The following NAP1L4 variants were observed in gnomAD, a reference collection of about 807,000 sequenced individuals.
NAP1L4 encodes nucleosome assembly protein 1 like 4.
NAP1L4 carries 15 observed loss-of-function variants against 58.2 expected under a neutral mutation model. The ratio of observed to expected loss-of-function variants is 0.26; its 90% CI spans 0.17 to 0.40. The LOEUF (loss-of-function observed/expected upper bound fraction) is 0.40. Among genes scored for constraint, NAP1L4 ranks in the 10% least tolerant of loss-of-function variants. The probability of loss-of-function intolerance (pLI) is 1.00; values close to 1 mark genes in which losing one functional copy is unlikely to be tolerated. For synonymous variants in NAP1L4, 171 were observed against 155.6 expected (o/e 1.10, Z -0.74); for missense variants, 384 against 451.1 (o/e 0.85, Z 1.35).
At chr11:2,960,179 G>A (rs995021145) in intron 8 of NAP1L4, 10 of 341,466 alleles carry the variant, frequency 2.9e-5, no homozygotes, top group Non-Finnish European at 4.9e-5. Flanking sequence ...GCTCTCCTAA[G>A]AAATCCTAGC....
chr11:2,958,816 A>T (rs1382846869), intron 9 of NAP1L4: 1 of 434,392 alleles, frequency 2.3e-6, no homozygotes, highest in African/African-American at 2.0e-5. Context: ...GGACTCTGAA[A>T]TGTATATTCT....
chr11:2,945,714 A>G (rs912905953), intron 15 of NAP1L4, 68 bp from the exon 16 acceptor site: 2 of 1,319,778 alleles, frequency 1.5e-6, no homozygotes, highest in Admixed American at 2.2e-5. Flanking sequence ...GCTCCAATCA[A>G]CAATGAAAGC....
chr11:2,985,040 C>G (rs1237052681), intron 1 of NAP1L4, among the ~76,000 whole-genome samples: 2 of 151,862 alleles, frequency 1.3e-5, no homozygotes, highest in African/African-American at 2.4e-5. Context: ...ACGTTTCCCA[C>G]ACATCTTATT....
rs1845946923 is a variant in NAP1L4 at position 2,946,494 on chromosome 11, T to G, written c.*33-848A>C. The stretch of plus-strand genomic sequence containing the variant: ...TTCTGCGCTAGTAACTTTACGAACC[T>G]GTAACCTATGATTTCTGGCTAAGAT... On this transcript the variant is annotated intron_variant, in intron 15 of 15. Transcript: ENST00000380542. This position sits in a 1 kb window ranked among gnomAD's most constrained non-coding sequence, Gnocchi z 4.8. Among the ~76,000 whole-genome samples the G allele has an allele frequency of 6.6e-6, 1 of 152,206 alleles. No homozygotes were observed. Among genetic ancestry groups the G allele is most frequent in the Non-Finnish European group, 1.5e-5 (1 of 68,034 alleles).
At chr11:2,965,562 T>G (rs868325453) in intron 7 of NAP1L4, among the ~76,000 whole-genome samples, 1 of 152,300 alleles carries the variant, frequency 6.6e-6, no homozygotes, top group South Asian at 2.1e-4. Context: ...TTCTTTATTT[T>G]TTTTGAGACG....
chr11:2,963,990 C>T, intron 8 of NAP1L4: 1 of 472,200 alleles, frequency 2.1e-6, no homozygotes, highest in Admixed American at 2.2e-5. Context: ...CCTAGTCAAG[C>T]TTATCTTACC....
At chr11:2,990,566 C>T (rs1471447074) in intron 1 of NAP1L4, 6 of 152,196 alleles carry the variant, frequency 3.9e-5, no homozygotes, top group Admixed American at 3.9e-4. Flanking sequence ...AGCTCAAAAC[C>T]TCGTAAGCTA....
At chr11:2,964,807 T>C (rs919822698) in intron 7 of NAP1L4, 56 bp from the exon 8 acceptor site, 109 of 1,301,604 alleles carry the variant, frequency 8.4e-5, no homozygotes, top group Non-Finnish European at 8.5e-5. Flanking sequence ...AACACATCTC[T>C]CCCGAAGAGT....
chr11:2,964,942 A>T (rs1465182307), intron 7 of NAP1L4, among the ~76,000 whole-genome samples, 191 bp from the exon 8 acceptor site: 1 of 152,238 alleles, frequency 6.6e-6, no homozygotes, highest in Admixed American at 6.5e-5. Context: ...GAGAAGCAGC[A>T]CCAAGGTGTC....
intron 7 of NAP1L4, among the ~76,000 whole-genome samples, chr11:2,968,335 G>C (rs915996325): frequency 3.9e-5 from 6 of 152,168 alleles, no homozygotes; most frequent in Non-Finnish European, 7.3e-5. Flanking sequence ...TAATACACAG[G>C]GTGAGACTAC....
At position 2,954,270 on chromosome 11, in the gene NAP1L4, G is replaced by C; in HGVS notation, c.1035+257C>G. The C allele has an allele frequency of 1.8e-6, 1 of 562,008 alleles. No homozygotes were observed. Among genetic ancestry groups the C allele is most frequent in the Non-Finnish European group, 3.2e-6 (1 of 312,400 alleles). The allele number at this position is 562,008 out of a possible 1,614,324, so 34.8% of individuals were successfully genotyped here. A position where few individuals can be genotyped will look rare whatever the true frequency, so the allele number is the denominator to read the frequency against. The stretch of plus-strand genomic sequence containing the variant: ...TTGAGAGAATATTGTTGAGTCACTA[G>C]GCAGGGCTCACATAGGAAACTGGCA... On this transcript the variant is annotated intron_variant, in intron 12 of 15. Coordinates refer to ENST00000380542, the MANE Select transcript of NAP1L4 (RefSeq NM_005969.4). This position sits in a 1 kb window ranked among gnomAD's most constrained non-coding sequence, Gnocchi z 4.8.
chr11:2,971,585 A>G lies in NAP1L4; in HGVS notation c.316-51T>C. The G allele has an allele frequency of 2.8e-6, 4 of 1,430,522 alleles. No individual in the cohort carries two copies. Among genetic ancestry groups the G allele is most frequent in the Non-Finnish European group, 3.9e-6 (4 of 1,029,250 alleles). The allele number at this position is 1,430,522 out of a possible 1,614,324, so 88.6% of individuals were successfully genotyped here. Reference sequence around the variant, plus strand: ...AATTATGTTATTAGCTTACTTAGGAACTCAAGAGTTAAATTTATAAATAAT... The same window carrying G: ...AATTATGTTATTAGCTTACTTAGGAGCTCAAGAGTTAAATTTATAAATAAT... On this transcript the variant is annotated intron_variant, in intron 5 of 15. Coordinates refer to ENST00000380542, the MANE Select transcript of NAP1L4 (RefSeq NM_005969.4). The surrounding 1 kb of genome is among the most constrained non-coding windows in gnomAD (Gnocchi z 4.2).
chr11:2,975,943 T>C (rs1847928804), intron 4 of NAP1L4, 81 bp downstream of exon 4: 4 of 1,213,850 alleles, frequency 3.3e-6, no homozygotes, highest in African/African-American at 1.5e-5. Context: ...AATCCTGTTC[T>C]GGGGAACTGA....
intron 2 of NAP1L4, 122 bp downstream of exon 2, chr11:2,979,085 A>T: frequency 1.0e-6 from 1 of 972,220 alleles, no homozygotes; most frequent in Non-Finnish European, 1.6e-6. Flanking sequence ...ACAAGAAATG[A>T]GCCATCAGCT....
rs1020952124 is a variant in NAP1L4, at chr11:2,954,554, A to G, written c.1008T>C (p.Thr336=). ...TGTCATCATCTTCTATGGCCTCCCC[A>G]GTGAAGTACAGCACAGCCCGCGGGA... The part of the protein sequence containing the change: ...RIVPRAVLYF[T]GEAIEDDDNF... Residue 336 remains threonine (T), a synonymous_variant, in exon 12 of 16, where the codon ACT becomes ACC. Coordinates refer to ENST00000380542, the MANE Select transcript of NAP1L4 (RefSeq NM_005969.4). The surrounding 1 kb of genome is among the most constrained non-coding windows in gnomAD (Gnocchi z 4.8). The G allele has an allele frequency of 1.2e-6, 2 of 1,614,172 alleles. No homozygotes were observed. Among genetic ancestry groups the G allele is most frequent in the South Asian group, 2.2e-5 (2 of 91,082 alleles).
Position 2,954,434 on chromosome 11 carries a change from G to T in NAP1L4, c.1035+93C>A. 1 of 1,563,788 alleles carries T rather than the reference G, an allele frequency of 6.4e-7. No individual in the cohort carries two copies. Among genetic ancestry groups the T allele is most frequent in the Non-Finnish European group, 8.8e-7 (1 of 1,136,120 alleles). On this transcript the variant is annotated intron_variant, in intron 12 of 15. Coordinates refer to ENST00000380542, the MANE Select transcript of NAP1L4 (RefSeq NM_005969.4). The surrounding 1 kb of genome is among the most constrained non-coding windows in gnomAD (Gnocchi z 4.8). ...GGCTGATGATGTAATAAAAAGATTA[G>T]GCATGGGGGTTTCCTAAGCCACAAT...
chr11:2,958,083 C>A, intron 10 of NAP1L4: 1 of 509,958 alleles, frequency 2.0e-6, no homozygotes, highest in Non-Finnish European at 3.8e-6. Context: ...GAGGAAGCAG[C>A]CCAGGTGCAA....
At position 2,979,198 on chromosome 11, in the gene NAP1L4, T is replaced by C. The variant is rs1394974762; in HGVS notation, c.14+9A>G. 2 of 1,610,836 alleles carry C rather than the reference T, an allele frequency of 1.2e-6. No homozygotes were observed. Among genetic ancestry groups the C allele is most frequent in the South Asian group, 2.2e-5 (2 of 90,310 alleles). ...TAAACTCCAATAAACAAAGTCCACT[T>C]TGGCTTACCTGTGATCTGCCATCTG... is the stretch of plus-strand genomic sequence containing the variant. On this transcript the variant is annotated intron_variant, in intron 2 of 15. Transcript: ENST00000380542.
Position 2,969,893 on chromosome 11 carries a change from C to A in NAP1L4, c.444G>T (p.Ala148=). 6.2e-7 allele frequency: 1 copy of A among 1,613,680 alleles called. No homozygotes were observed. Among genetic ancestry groups the A allele is most frequent in the South Asian group, 1.1e-5 (1 of 90,960 alleles). ...TGGGATCTGGCTCTTCAGCCGTTGC[C>A]GCTGCTTTTTCTGTGACGACTACTT... ...KSKVVVTEKA[A]ATAEEPDPKG... Residue 148 remains alanine (A), a synonymous_variant, in exon 7 of 16, where the codon GCG becomes GCT. Coordinates refer to ENST00000380542, the MANE Select transcript of NAP1L4 (RefSeq NM_005969.4).
Sources: gnomAD v4.1 joint callset for allele counts (sites outside exome capture counted in the v4.1 genomes callset) on GRCh38, gnomAD v4.1.1 for gene constraint, Gnocchi (gnomAD v3.1) non-coding constraint, MANE v1.5 for transcripts, NCBI Gene and HGNC (gene_info 2026-07-23, HGNC 2026-07-21) for gene names.